The following SYNGR4 variants were observed in gnomAD, a reference collection of about 807,000 sequenced individuals.
The protein encoded by SYNGR4 is synaptogyrin 4.
Under a neutral mutation model 15.5 loss-of-function variants are expected in SYNGR4, and 15 were observed. The ratio of observed to expected loss-of-function variants is 0.97; its 90% CI spans 0.65 to 1.49. The LOEUF (loss-of-function observed/expected upper bound fraction) is 1.49, where lower values mean the gene tolerates loss of function less well. SYNGR4 is among the 40% of genes most tolerant of loss of function. The pLI, the probability that SYNGR4 is intolerant of heterozygous loss-of-function variation, is 0.00. For synonymous variants in SYNGR4, 121 were observed against 127.4 expected (o/e 0.95, Z 0.34); for missense variants, 292 against 299.3 (o/e 0.98, Z 0.18).
chr19:48,371,542 T>C (rs969384352), intron 2 of SYNGR4, among the ~76,000 whole-genome samples: 5 of 151,488 alleles, frequency 3.3e-5, no homozygotes, highest in African/African-American at 4.8e-5. Context: ...GCCAGGCTAC[T>C]TCTGTTCAAA....
At chr19:48,369,130 C>T (rs75571519) in intron 2 of SYNGR4, among the ~76,000 whole-genome samples, 2 of 152,076 alleles carry the variant, frequency 1.3e-5, no homozygotes, top group African/African-American at 4.8e-5. Context: ...CCTACCCCCC[C>T]GCCCTCTCCT....
At chr19:48,375,864 C>CG in intron 4 of SYNGR4, 112 bp downstream of exon 4, 4 of 1,529,824 alleles carry the variant, frequency 2.6e-6, no homozygotes, top group Non-Finnish European at 3.5e-6. Context: ...GGTCAGGGGT[C>CG]GGGGGTTCCC....
At chr19:48,366,760 G>C (rs1970228583) in intron 2 of SYNGR4, among the ~76,000 whole-genome samples, 1 of 152,114 alleles carries the variant, frequency 6.6e-6, no homozygotes, top group Admixed American at 6.6e-5. Flanking sequence ...GCCACATGTG[G>C]CTACCTCACT....
intron 1 of SYNGR4, 119 bp from the exon 2 acceptor site, chr19:48,365,617 C>T: frequency 1.8e-6 from 1 of 545,548 alleles, no homozygotes; most frequent in Non-Finnish European, 3.3e-6. Flanking sequence ...CCTCACCCCA[C>T]ACAACTCCAT....
intron 2 of SYNGR4, 58 bp downstream of exon 2, chr19:48,365,993 A>C: frequency 1.3e-6 from 2 of 1,555,874 alleles, no homozygotes; most frequent in Non-Finnish European, 1.8e-6. Flanking sequence ...GGAGCTCTCA[A>C]CTCCCAGACA....
chr19:48,366,775 A>G lies in SYNGR4; in HGVS notation c.93+840A>G, dbSNP rs945909565. On this transcript the variant is annotated intron_variant, in intron 2 of 4. Transcript: ENST00000344846. ...GCCACATGTGGCTACCTCACTTTGCACTAATTAAAATAAAAGTCCATTCTT... is the reference window on the plus strand; with the variant it reads ...GCCACATGTGGCTACCTCACTTTGCGCTAATTAAAATAAAAGTCCATTCTT... Among the ~76,000 whole-genome samples the G allele has an allele frequency of 4.6e-5, 7 of 152,104 alleles. No homozygotes were observed. The South Asian group carries it at 6.2e-4, about 14-fold the overall frequency.
chr19:48,372,866 A>G lies in SYNGR4; in HGVS notation c.94-651A>G, dbSNP rs550628269. On this transcript the variant is annotated intron_variant, in intron 2 of 4. Coordinates refer to ENST00000344846, the MANE Select transcript of SYNGR4 (RefSeq NM_012451.4). ...GAAATTAATAGGAATTAGTGAGGCC[A>G]GGAGGGAAGAGACAGAAGTCGCAGA... Among the ~76,000 whole-genome samples the G allele has an allele frequency of 4.6e-5, 7 of 152,344 alleles. No individual in the cohort carries two copies. The South Asian group carries it at 1.4e-3, about 32-fold the overall frequency.
At position 48,365,354 on chromosome 19, in the gene SYNGR4, AC is replaced by A. The variant is rs1211630282; in HGVS notation, c.-107-376del. 1.5e-3 allele frequency among the ~76,000 whole-genome samples: 106 copies of A among 72,422 alleles called. 2 individuals are homozygous for A. The highest frequency in any genetic ancestry group is 5.6e-4 in the Non-Finnish European group (22 of 39,606). The allele number at this position is 72,422 out of a possible 152,430, so 47.5% of individuals were successfully genotyped here. ...CTCTCCACACAACACCTTTCCTGGG[AC>A]CCCCCAGAACCCCCATCCTATGCCT... is the stretch of plus-strand genomic sequence containing the variant. On this transcript the variant is annotated intron_variant, in intron 1 of 4. Coordinates refer to ENST00000344846, the MANE Select transcript of SYNGR4 (RefSeq NM_012451.4).
chr19:48,373,453 G>A, intron 2 of SYNGR4, 64 bp from the exon 3 acceptor site: 2 of 1,404,392 alleles, frequency 1.4e-6, no homozygotes, highest in Non-Finnish European at 2.0e-6. Context: ...GACAGCACCA[G>A]GGAGGAAGGA....
At chr19:48,370,638 C>T (rs1159445066) in intron 2 of SYNGR4, among the ~76,000 whole-genome samples, 1 of 152,076 alleles carries the variant, frequency 6.6e-6, no homozygotes, top group Non-Finnish European at 1.5e-5. Flanking sequence ...CAGCTCACTG[C>T]AGTCCAGACC....
At chr19:48,371,833 TG>T (rs1970313248) in intron 2 of SYNGR4, among the ~76,000 whole-genome samples, 1 of 150,274 alleles carries the variant, frequency 6.7e-6, no homozygotes, top group Non-Finnish European at 1.5e-5. Flanking sequence ...CCTCCCACCT[TG>T]GCCTCCCAAG....
chr19:48,374,962 C>T (rs1247508849), intron 3 of SYNGR4, among the ~76,000 whole-genome samples: 4 of 141,902 alleles, frequency 2.8e-5, no homozygotes, highest in African/African-American at 8.0e-5. Flanking sequence ...GGCAACAGAG[C>T]GAGACTCTGT....
At position 48,365,809 on chromosome 19, in the gene SYNGR4, C is replaced by T; in HGVS notation, c.-34C>T. On this transcript the variant is annotated 5_prime_UTR_variant, in exon 2 of 5. Coordinates refer to ENST00000344846, the MANE Select transcript of SYNGR4 (RefSeq NM_012451.4). ...AGGCAGCGCCCAGCACCCTGGCTCC[C>T]ACCTCCCAGTGGCCCCAAAGGAAAA... 7 of 1,611,344 alleles carry T rather than the reference C, an allele frequency of 4.3e-6. No individual in the cohort carries two copies. The highest frequency in any genetic ancestry group is 5.9e-6 in the Non-Finnish European group (7 of 1,178,762).
Position 48,365,919 on chromosome 19 carries a change from C to T in SYNGR4, c.77C>T (p.Thr26Met), listed in dbSNP as rs1218123387. 13 of 1,613,714 alleles carry T rather than the reference C, an allele frequency of 8.1e-6. No individual in the cohort carries two copies. Among genetic ancestry groups the T allele is most frequent in the East Asian group, 2.2e-5 (1 of 44,870 alleles). ...VQFLRRPKTI[T>M]RVFEGVFSLI... ...TTTCTGAGAAGGCCCAAGACCATCA[C>T]GCGGGTCTTCGAAGGGGTGAGGCCC... The change falls in exon 2 of 5, where the codon ACG (threonine) becomes ATG (methionine). Residue 26 changes from threonine to methionine, a missense_variant. Physicochemically the swap from Thr to Met is moderately conservative, Grantham distance 81. Transcript: ENST00000344846.
intron 1 of SYNGR4, among the ~76,000 whole-genome samples, chr19:48,364,896 GT>G: frequency 6.6e-6 from 1 of 151,844 alleles, no homozygotes; most frequent in African/African-American, 2.4e-5. Flanking sequence ...ACAAGACGTG[GT>G]CCCCAAATAT....
At chr19:48,374,604 C>G (rs1033539182) in intron 3 of SYNGR4, among the ~76,000 whole-genome samples, 1 of 152,188 alleles carries the variant, frequency 6.6e-6, no homozygotes, top group Non-Finnish European at 1.5e-5. Flanking sequence ...GGAGAACTCC[C>G]TGTGAGGGTG....
intron 2 of SYNGR4, among the ~76,000 whole-genome samples, chr19:48,371,229 G>A (rs914840124): frequency 6.6e-6 from 1 of 152,108 alleles, no homozygotes; most frequent in Non-Finnish European, 1.5e-5. Flanking sequence ...TCCTCCTCTT[G>A]TCTGTCTGAG....
chr19:48,365,832 A>G lies in SYNGR4; in HGVS notation c.-11A>G. ...CCCACCTCCCAGTGGCCCCAAAGGA[A>G]AACAGCTGCCATGCACATCCCCAAA... On this transcript the variant is annotated 5_prime_UTR_variant, in exon 2 of 5. Coordinates refer to ENST00000344846, the MANE Select transcript of SYNGR4 (RefSeq NM_012451.4). 1 of 1,613,422 alleles carries G rather than the reference A, an allele frequency of 6.2e-7. No individual in the cohort carries two copies. Among genetic ancestry groups the G allele is most frequent in the East Asian group, 2.2e-5 (1 of 44,862 alleles).
chr19:48,370,387 G>T (rs1189491321), intron 2 of SYNGR4, among the ~76,000 whole-genome samples: 1 of 152,084 alleles, frequency 6.6e-6, no homozygotes, highest in Non-Finnish European at 1.5e-5. Flanking sequence ...GGAGGCTGAG[G>T]TGGGAGGATT....
Sources: gnomAD v4.1 joint callset for allele counts (sites outside exome capture counted in the v4.1 genomes callset) on GRCh38, gnomAD v4.1.1 for gene constraint, MANE v1.5 for transcripts, NCBI Gene and HGNC (gene_info 2026-07-23, HGNC 2026-07-21) for gene names.